The following HTT variants were observed in gnomAD, a reference collection of about 807,000 sequenced individuals.
The protein encoded by HTT is huntingtin, also known as huntington disease protein.
Under a neutral mutation model 362.3 loss-of-function variants are expected in HTT, and 104 were observed. The ratio of observed to expected loss-of-function variants is 0.29; its 90% confidence interval spans 0.24 to 0.34. The LOEUF (loss-of-function observed/expected upper bound fraction) is 0.34, where lower values mean the gene tolerates loss of function less well. Among genes scored for constraint, HTT ranks in the 10% least tolerant of loss-of-function variants. The probability of loss-of-function intolerance (pLI) is 1.00; values close to 1 mark genes in which losing one functional copy is unlikely to be tolerated. For missense variants in HTT, 3,301 were observed against 3,928.6 expected, an observed-to-expected ratio of 0.84 and a Z score of 4.27; for synonymous variants, 1,577 against 1,548.7, an observed-to-expected ratio of 1.02 and a Z score of -0.43.
Position 3,079,247 on chromosome 4 carries a change from C to CTTT in HTT, c.263+4176_263+4178dup, listed in dbSNP as rs4038027. On this transcript the variant is annotated intron_variant, in intron 1 of 66. Transcript: ENST00000355072. ...CAGGGAAGGTCCACTGAGAAGACAG[C>CTTT]TTTTTTTTTTTTTTTTTTTGGGGTT... 9.6e-4 allele frequency among the ~76,000 whole-genome samples: 109 copies of CTTT among 114,070 alleles called. 2 individuals are homozygous for CTTT. The highest frequency in any genetic ancestry group is 2.0e-3 in the African/African-American group (58 of 29,738). 74.8% of individuals were successfully genotyped at this position (114,070 alleles called of 152,430 possible). A position where few individuals can be genotyped will look rare whatever the true frequency, so the allele number is the denominator to read the frequency against.
chr4:3,170,974 A>G (rs1360727718), intron 29 of HTT, among the ~76,000 whole-genome samples: 1 of 152,200 alleles, frequency 6.6e-6, no homozygotes, highest in Non-Finnish European at 1.5e-5. Flanking sequence ...TTGAAAGGCC[A>G]GAAACAGCAT....
chr4:3,076,093 A>G (rs1483471294), intron 1 of HTT, among the ~76,000 whole-genome samples: 4 of 152,110 alleles, frequency 2.6e-5, no homozygotes, highest in African/African-American at 4.8e-5. Context: ...TGCCAGTGAA[A>G]GGGTTTCTGT....
chr4:3,099,652 TTGTATG>T (rs1714050571), intron 3 of HTT, among the ~76,000 whole-genome samples: 1 of 107,204 alleles, frequency 9.3e-6, no homozygotes, highest in Admixed American at 9.3e-5. Context: ...GGAGGTGCTC[TTGTATG>T]GTTTGGAGGT....
chr4:3,237,453 C>T (rs1265078464), intron 64 of HTT, among the ~76,000 whole-genome samples: 1 of 152,206 alleles, frequency 6.6e-6, no homozygotes, highest in Non-Finnish European at 1.5e-5. Flanking sequence ...GACTGGCAGA[C>T]GGGCACAGGG....
rs1489122379 is a variant in HTT, at chr4:3,240,912, G to T, written c.*853G>T. On this transcript the variant is annotated 3_prime_UTR_variant, in exon 67 of 67. Coordinates refer to ENST00000355072, the MANE Select transcript of HTT (RefSeq NM_001388492.1). ...AGGACAGGCCCCCATTATCCTAGGG[G>T]TGCGCTCACCTGCAGCCCCTCCTCC... 6.6e-6 allele frequency: 1 copy of T among 152,378 alleles called. No individual in the cohort carries two copies. Among genetic ancestry groups the T allele is most frequent in the East Asian group, 1.9e-4 (1 of 5,204 alleles). The allele number at this position is 152,378 out of a possible 1,614,324, so 9.4% of individuals were successfully genotyped here.
intron 57 of HTT, among the ~76,000 whole-genome samples, chr4:3,226,219 C>G (rs898735423): frequency 3.3e-5 from 5 of 152,172 alleles, no homozygotes; most frequent in Admixed American, 1.3e-4. Flanking sequence ...GTGGCCAGTT[C>G]TGGGTGGGAG....
At chr4:3,084,663 C>T (rs1345575673) in intron 1 of HTT, among the ~76,000 whole-genome samples, 1 of 148,762 alleles carries the variant, frequency 6.7e-6, no homozygotes, top group Non-Finnish European at 1.5e-5. Context: ...GCACTTCAGC[C>T]TGTGTGACAG....
intron 66 of HTT, 48 bp from the exon 67 acceptor site, chr4:3,239,798 G>T: frequency 7.2e-7 from 1 of 1,397,108 alleles, no homozygotes; most frequent in Non-Finnish European, 9.9e-7. Flanking sequence ...GGACAGGGAG[G>T]CAGCATTCCC....
chr4:3,075,656 G>T (rs879677039), intron 1 of HTT, among the ~76,000 whole-genome samples: 1 of 139,718 alleles, frequency 7.2e-6, no homozygotes, highest in East Asian at 2.3e-4. Context: ...GCAGGGGGGG[G>T]GCGGGGAGTG....
rs1295335207 is a variant in HTT at position 3,238,875 on chromosome 4, C to T, written c.9112C>T (p.Leu3038=). 1 of 1,612,690 alleles carries T rather than the reference C, an allele frequency of 6.2e-7. No homozygotes were observed. The highest frequency in any genetic ancestry group is 1.3e-5 in the African/African-American group (1 of 75,000). ...GTCCATGGTCCGGGACTGGGTCATG[C>T]TGTCCCTCTCCAACTTCACGCAGAG... The part of the protein sequence containing the change: ...QSSMVRDWVM[L]SLSNFTQRAP... The change falls in exon 66 of 67, where the codon CTG becomes TTG. Residue 3038 remains leucine, a synonymous_variant. Coordinates refer to ENST00000355072, the MANE Select transcript of HTT (RefSeq NM_001388492.1).
chr4:3,179,582 G>A (rs1040804074), intron 35 of HTT, among the ~76,000 whole-genome samples: 3 of 151,626 alleles, frequency 2.0e-5, no homozygotes, highest in African/African-American at 7.3e-5. Context: ...GTCAGAGGGT[G>A]CCTCGCGTGT....
At position 3,172,938 on chromosome 4, in the gene HTT, G is replaced by A. The variant is rs766233086; in HGVS notation, c.3973G>A (p.Ala1325Thr). The A allele has an allele frequency of 2.5e-6, 4 of 1,614,092 alleles. No homozygotes were observed. The South Asian group carries it at 4.4e-5, about 18-fold the overall frequency. ...LLKTLFGTNL[A>T]SQFDGLSSNP... ...GAAGACTCTCTTTGGCACAAACTTG[G>A]CCTCCCAGTTTGATGGCTTATCTTC... The change falls in exon 31 of 67, where the codon GCC becomes ACC. Residue 1325 changes from alanine (A) to threonine (T), a missense_variant. Transcript: ENST00000355072.
chr4:3,103,172 C>T (rs1009444451), intron 3 of HTT, among the ~76,000 whole-genome samples: 11 of 150,922 alleles, frequency 7.3e-5, no homozygotes, highest in Admixed American at 6.6e-4. Flanking sequence ...TAAAGATTTA[C>T]TCCAGGGGCT....
chr4:3,229,769 C>T (rs1721159268), intron 59 of HTT, 118 bp from the exon 60 acceptor site: 13 of 1,111,384 alleles, frequency 1.2e-5, no homozygotes, highest in Non-Finnish European at 6.7e-6. Flanking sequence ...ATGCGTCCCG[C>T]ACAGTAATGT....
intron 40 of HTT, among the ~76,000 whole-genome samples, chr4:3,190,672 G>A (rs1336962203): frequency 1.3e-5 from 2 of 152,174 alleles, no homozygotes; most frequent in African/African-American, 4.8e-5. Context: ...CTCCAGCCTG[G>A]GCGAGATCGA....
intron 59 of HTT, among the ~76,000 whole-genome samples, chr4:3,229,600 CCA>C (rs897589089): frequency 5.3e-5 from 8 of 151,462 alleles, no homozygotes; most frequent in East Asian, 1.9e-4. Context: ...ACACCCCACA[CCA>C]CACACACACC....
chr4:3,207,455 T>C (rs1719922320), intron 45 of HTT, 98 bp downstream of exon 45: 2 of 1,029,430 alleles, frequency 1.9e-6, no homozygotes, highest in Non-Finnish European at 2.9e-6. Context: ...AAGAAATCGA[T>C]GTGCCTTATA....
At chr4:3,102,437 G>A (rs746320218) in intron 3 of HTT, among the ~76,000 whole-genome samples, 18 of 152,230 alleles carry the variant, frequency 1.2e-4, no homozygotes, top group Non-Finnish European at 2.4e-4. Context: ...TTTTATTTAA[G>A]AAGTAATGTT....
intron 1 of HTT, among the ~76,000 whole-genome samples, chr4:3,085,856 A>G (rs940137516): frequency 6.6e-6 from 1 of 152,170 alleles, no homozygotes; most frequent in Non-Finnish European, 1.5e-5. Context: ...ATCTGAAGCC[A>G]TAGGTTTGGA....
Sources: gnomAD v4.1 joint callset for allele counts (sites outside exome capture counted in the v4.1 genomes callset) on GRCh38, gnomAD v4.1.1 for gene constraint, MANE v1.5 for transcripts, NCBI Gene and HGNC (gene_info 2026-07-23, HGNC 2026-07-21) for gene names.